Variants in PRR12 observed in about 807,000 individuals in gnomAD.
The protein encoded by PRR12 is proline-rich protein 12.
In PRR12, 12 loss-of-function variants were observed where a neutral mutation model predicts 138.0. That is an observed-to-expected ratio of 0.09 (90% confidence interval 0.06 to 0.14). The LOEUF (loss-of-function observed/expected upper bound fraction) is 0.14. Among genes scored for constraint, PRR12 ranks in the 10% least tolerant of loss-of-function variants. The probability of loss-of-function intolerance (pLI) is 1.00; values close to 1 mark genes in which losing one functional copy is unlikely to be tolerated. For synonymous variants in PRR12, 1,567 were observed against 1,291.7 expected (o/e 1.21, Z -4.57); for missense variants, 2,692 against 2,861.3 (o/e 0.94, Z 1.35).
chr19:49,620,166 A>G (rs1342415516), intron 9 of PRR12, among the ~76,000 whole-genome samples, 186 bp from the exon 10 acceptor site: 1 of 152,124 alleles, frequency 6.6e-6, no homozygotes, highest in Non-Finnish European at 1.5e-5. Context: ...AGCTTCTTGC[A>G]GTCCCTGTGA....
intron 9 of PRR12, among the ~76,000 whole-genome samples, chr19:49,617,509 T>C (rs2080899000): frequency 6.6e-6 from 1 of 152,058 alleles, no homozygotes; most frequent in Admixed American, 6.6e-5. Context: ...TGAATGCCTG[T>C]AGTCCCAGCT....
Position 49,616,980 on chromosome 19 carries a change from A to AG in PRR12, c.5497+761_5497+762insG, listed in dbSNP as rs2080896189. 6.6e-6 allele frequency among the ~76,000 whole-genome samples: 1 copy of AG among 152,042 alleles called. No homozygotes were observed. Among genetic ancestry groups the AG allele is most frequent in the South Asian group, 2.1e-4 (1 of 4,822 alleles). On this transcript the variant is annotated intron_variant, in intron 9 of 13. Coordinates refer to ENST00000418929, the MANE Select transcript of PRR12 (RefSeq NM_020719.3). The surrounding 1 kb of genome is among the most constrained non-coding windows in gnomAD (Gnocchi z 4.2). The stretch of plus-strand genomic sequence containing the variant: ...CCCGGCTTTACTAAAAAATACAAAA[A>AG]TTAGCCCAGCATGGTGGCGTGTGCC...
rs1380571233 is a variant in PRR12 at position 49,625,611 on chromosome 19, C to T, written c.*4C>T. On this transcript the variant is annotated 3_prime_UTR_variant, in exon 14 of 14. Transcript: ENST00000418929. The surrounding 1 kb of genome is among the most constrained non-coding windows in gnomAD (Gnocchi z 5.5). ...GGCCCACAGCCGCTGCGGGTGACCCCGCCCCAGCTTGTGAGGGGGGCGCCT... is the reference window on the plus strand; with the variant it reads ...GGCCCACAGCCGCTGCGGGTGACCCTGCCCCAGCTTGTGAGGGGGGCGCCT... 7 of 1,596,490 alleles carry T rather than the reference C, an allele frequency of 4.4e-6. No individual in the cohort carries two copies. In the East Asian group the frequency reaches 6.7e-5, roughly 15 times the overall value.
At chr19:49,620,595 G>T in intron 10 of PRR12, 118 bp downstream of exon 10, 2 of 1,410,396 alleles carry the variant, frequency 1.4e-6, no homozygotes, top group Non-Finnish European at 1.9e-6. Context: ...CTGAGTCTGA[G>T]GGAAGAGGAG....
intron 6 of PRR12, among the ~76,000 whole-genome samples, chr19:49,613,730 C>CT (rs2080877990): frequency 6.6e-6 from 1 of 152,212 alleles, no homozygotes; most frequent in Non-Finnish European, 1.5e-5. Flanking sequence ...CTCATTACCT[C>CT]TGTTATTACC....
Position 49,595,341 on chromosome 19 carries a change from G to C in PRR12, c.1006G>C (p.Gly336Arg). The C allele has an allele frequency of 6.5e-7, 1 of 1,542,884 alleles. No homozygotes were observed. The highest frequency in any genetic ancestry group is 8.7e-7 in the Non-Finnish European group (1 of 1,144,242). ...CAACCTGGCCTGCAGCCCCCTGGGT[G>C]GTGGGGAGCCCTCCCCGGGTGCTGG... is the stretch of plus-strand genomic sequence containing the variant. ...RANLACSPLGGGEPSPGAGEP... is the reference protein window; with the variant it reads ...RANLACSPLGRGEPSPGAGEP... Residue 336 changes from glycine to arginine, a missense_variant, in exon 4 of 14, where the codon GGT becomes CGT. Gly to Arg is a moderately radical substitution (Grantham distance 125). Coordinates refer to ENST00000418929, the MANE Select transcript of PRR12 (RefSeq NM_020719.3).
At chr19:49,618,148 C>T (rs2080902547) in intron 9 of PRR12, among the ~76,000 whole-genome samples, 1 of 152,050 alleles carries the variant, frequency 6.6e-6, no homozygotes, top group South Asian at 2.1e-4. Flanking sequence ...TCAGGGTTGT[C>T]CAGGGTCCCA....
intron 10 of PRR12, 103 bp downstream of exon 10, chr19:49,620,580 G>A: frequency 1.4e-6 from 2 of 1,476,658 alleles, no homozygotes; most frequent in East Asian, 2.5e-5. Flanking sequence ...TTGGGGTCGG[G>A]ACTCCTGAGT....
At chr19:49,622,821 G>T (rs566993094) in intron 11 of PRR12, among the ~76,000 whole-genome samples, 1 of 150,098 alleles carries the variant, frequency 6.7e-6, no homozygotes, top group East Asian at 1.9e-4. Flanking sequence ...GAACCCGGGA[G>T]GCGGAGCTTG....
intron 11 of PRR12, chr19:49,621,842 G>A: frequency 1.8e-6 from 1 of 563,092 alleles, no homozygotes; most frequent in East Asian, 2.9e-5. Flanking sequence ...GGGCAGCAGA[G>A]GGGTGGTTGT....
Position 49,616,005 on chromosome 19 carries a change from C to G in PRR12, c.5283C>G (p.Ser1761Arg). Residue 1761 changes from serine (S) to arginine (R), a missense_variant, in exon 9 of 14, where the codon AGC (serine) becomes AGG (arginine). This residue lies in a region of PRR12 where 259 missense variants were observed against 265.1 expected (regional missense o/e 0.98). Coordinates refer to ENST00000418929, the MANE Select transcript of PRR12 (RefSeq NM_020719.3). The surrounding 1 kb of genome is among the most constrained non-coding windows in gnomAD (Gnocchi z 4.2). ...ERPLRGERAT[S>R]GRQTRPERSL... The stretch of plus-strand genomic sequence containing the variant: ...CATTGCGGGGTGAGCGGGCCACCAG[C>G]GGACGGCAGACACGGCCAGAGCGGA... 6.4e-7 allele frequency: 1 copy of G among 1,553,054 alleles called. No individual in the cohort carries two copies. The highest frequency in any genetic ancestry group is 8.7e-7 in the Non-Finnish European group (1 of 1,147,906).
intron 6 of PRR12, among the ~76,000 whole-genome samples, chr19:49,611,150 C>A (rs1475021045): frequency 1.3e-5 from 2 of 151,964 alleles, no homozygotes; most frequent in African/African-American, 2.4e-5. Flanking sequence ...CCATGAAACC[C>A]CATTGCCACA....
At position 49,597,575 on chromosome 19, in the gene PRR12, G is replaced by T. The variant is rs768682542; in HGVS notation, c.3240G>T (p.Leu1080=). 1.0e-5 allele frequency: 16 copies of T among 1,603,094 alleles called. No individual in the cohort carries two copies. The highest frequency in any genetic ancestry group is 1.3e-5 in the Non-Finnish European group (15 of 1,176,280). The change falls in exon 4 of 14, where the codon CTG becomes CTT. Residue 1080 remains leucine (L), a synonymous_variant. Transcript: ENST00000418929. This position sits in a 1 kb window ranked among gnomAD's most constrained non-coding sequence, Gnocchi z 6.3. ...KKLLKTSSFH[L]LRRRDPPFQT... ...TGCTCAAGACATCCTCCTTCCACCTGCTGCGGCGCCGCGACCCACCCTTCC... is the reference window on the plus strand; with the variant it reads ...TGCTCAAGACATCCTCCTTCCACCTTCTGCGGCGCCGCGACCCACCCTTCC...
intron 11 of PRR12, among the ~76,000 whole-genome samples, chr19:49,623,525 G>A (rs1179611091): frequency 1.3e-5 from 2 of 152,008 alleles, no homozygotes; most frequent in African/African-American, 2.4e-5. Flanking sequence ...CCAGCTACTC[G>A]CGAGGCTGAG....
Position 49,597,836 on chromosome 19 carries a change from A to C in PRR12, c.3501A>C (p.Pro1167=). The C allele has an allele frequency of 6.7e-6, 10 of 1,492,064 alleles. No individual in the cohort carries two copies. Among genetic ancestry groups the C allele is most frequent in the Non-Finnish European group, 8.9e-6 (10 of 1,122,218 alleles). The allele number at this position is 1,492,064 out of a possible 1,614,324, so 92.4% of individuals were successfully genotyped here. The change falls in exon 4 of 14, where the codon CCA becomes CCC. Residue 1167 remains proline, a synonymous_variant. Transcript: ENST00000418929. This position sits in a 1 kb window ranked among gnomAD's most constrained non-coding sequence, Gnocchi z 6.3. ...RKPTKAKRDG[P]PRPRGRPRIR... is the part of the protein sequence containing the mutation. ...CCACGAAGGCGAAACGTGATGGGCC[A>C]CCCCGGCCACGGGGGAGGCCCCGGA...
chr19:49,608,632 G>A (rs1356794625), intron 6 of PRR12, among the ~76,000 whole-genome samples: 3 of 152,042 alleles, frequency 2.0e-5, no homozygotes, highest in Non-Finnish European at 4.4e-5. Flanking sequence ...GCCTCCCAAA[G>A]TACTGGGATT....
rs1568423488 is a variant in PRR12, at chr19:49,597,449, GCCACCACCCCCGCCT to G, written c.3117_3131del (p.Pro1045_Pro1049del). On this transcript the variant is annotated inframe_deletion, in exon 4 of 14. Coordinates refer to ENST00000418929, the MANE Select transcript of PRR12 (RefSeq NM_020719.3). The surrounding 1 kb of genome is among the most constrained non-coding windows in gnomAD (Gnocchi z 6.3). ...TCCAGAGTGGCCCCCACCAGGCGGC[GCCACCACCCCCGCCT>G]CCGCCACCGCCGCCTCCCGCGCCGG... is the stretch of plus-strand genomic sequence containing the variant. The G allele has an allele frequency of 1.9e-6, 3 of 1,538,990 alleles. No homozygotes were observed. Among genetic ancestry groups the G allele is most frequent in the Non-Finnish European group, 2.6e-6 (3 of 1,145,530 alleles).
Position 49,601,509 on chromosome 19 carries a change from A to G in PRR12, c.4364A>G (p.Glu1455Gly). The change falls in exon 6 of 14, where the codon GAG (glutamate) becomes GGG (glycine). Residue 1455 changes from glutamate to glycine, a missense_variant. This residue lies in a region of PRR12 where 231 missense variants were observed against 200.8 expected (regional missense o/e 1.15). Transcript: ENST00000418929. ...NGTPEPPLLE[E>G]KPPPTPPPAP... ...CCCCCAGAGCCCCCGCTGCTGGAGGAGAAACCCCCACCCACTCCACCTCCT... is the reference window on the plus strand; with the variant it reads ...CCCCCAGAGCCCCCGCTGCTGGAGGGGAAACCCCCACCCACTCCACCTCCT... The G allele has an allele frequency of 1.3e-6, 2 of 1,507,410 alleles. No individual in the cohort carries two copies. Among genetic ancestry groups the G allele is most frequent in the Non-Finnish European group, 1.8e-6 (2 of 1,114,018 alleles). The allele number at this position is 1,507,410 out of a possible 1,614,324, so 93.4% of individuals were successfully genotyped here.
At chr19:49,612,785 C>T (rs1177595156) in intron 6 of PRR12, among the ~76,000 whole-genome samples, 2 of 152,042 alleles carry the variant, frequency 1.3e-5, no homozygotes, top group East Asian at 3.9e-4. Context: ...CTTCCTTAGC[C>T]TCCCAAGTAG....
Sources: allele counts gnomAD v4.1 joint callset (sites outside exome capture counted in the v4.1 genomes callset), GRCh38; gene constraint gnomAD v4.1.1; regional missense constraint gnomAD v4.1.1; non-coding constraint Gnocchi (gnomAD v3.1); transcripts MANE v1.5; gene names NCBI Gene and HGNC (gene_info 2026-07-23, HGNC 2026-07-21).